Variants in LPIN1 observed in about 807,000 individuals in gnomAD.
LPIN1 encodes phosphatidate phosphatase LPIN1.
LPIN1 carries 71 observed loss-of-function variants against 107.5 expected under a neutral mutation model. That is an observed-to-expected ratio of 0.66 (90% CI 0.55 to 0.80). The LOEUF (loss-of-function observed/expected upper bound fraction) is 0.80. Ranked by LOEUF, LPIN1 falls within the 30% of genes least tolerant of loss-of-function variation. The pLI is 0.00. For missense variants in LPIN1, 1,043 were observed against 1,160.6 expected (o/e 0.90, Z 1.47); for synonymous variants, 445 against 452.6 (o/e 0.98, Z 0.21).
intron 1 of LPIN1, among the ~76,000 whole-genome samples, chr2:11,754,447 C>T (rs1668354344): frequency 6.6e-6 from 1 of 152,204 alleles, no homozygotes; most frequent in African/African-American, 2.4e-5. Flanking sequence ...ACAGACTGAA[C>T]CCAGGAGGGT....
At position 11,820,395 on chromosome 2, in the gene LPIN1, C is replaced by T; in HGVS notation, c.2518-16C>T. The T allele has an allele frequency of 1.3e-6, 2 of 1,508,546 alleles. No individual in the cohort carries two copies. The highest frequency in any genetic ancestry group is 1.8e-6 in the Non-Finnish European group (2 of 1,083,896). 93.4% of individuals were successfully genotyped at this position (1,508,546 alleles called of 1,614,324 possible). A position where few individuals can be genotyped will look rare whatever the true frequency, so the allele number is the denominator to read the frequency against. On this transcript the variant is annotated splice_polypyrimidine_tract_variant and intron_variant, in intron 19 of 20. Coordinates refer to ENST00000674199, the MANE Select transcript of LPIN1 (RefSeq NM_001349206.2). The stretch of plus-strand genomic sequence containing the variant: ...CTTTTCTAATGAACACTTTAAATCA[C>T]CTTTACCAAATATAGGATGTGTATT...
intron 3 of LPIN1, among the ~76,000 whole-genome samples, chr2:11,768,275 T>C (rs564421184): frequency 6.6e-6 from 1 of 152,310 alleles, no homozygotes; most frequent in African/African-American, 2.4e-5. Context: ...ATTTACCCAT[T>C]TCAAGTGTAC....
intron 1 of LPIN1, among the ~76,000 whole-genome samples, chr2:11,735,209 T>G (rs1004145477): frequency 5.9e-5 from 9 of 151,934 alleles, no homozygotes; most frequent in African/African-American, 2.2e-4. Context: ...GGAGAATTGC[T>G]TGAGCCTGGG....
chr2:11,708,714 C>T (rs553619730), intron 1 of LPIN1, among the ~76,000 whole-genome samples: 1 of 152,210 alleles, frequency 6.6e-6, no homozygotes, highest in African/African-American at 2.4e-5. Context: ...CGTAAGAAAG[C>T]TGACCCAAAG....
chr2:11,770,263 C>A (rs999903924), intron 3 of LPIN1, among the ~76,000 whole-genome samples: 2 of 152,144 alleles, frequency 1.3e-5, no homozygotes, highest in Admixed American at 1.3e-4. Context: ...GACAGGGTGC[C>A]TGTGGGTGGG....
chr2:11,748,371 A>C (rs1017323990), intron 1 of LPIN1, among the ~76,000 whole-genome samples: 1 of 152,238 alleles, frequency 6.6e-6, no homozygotes, highest in Non-Finnish European at 1.5e-5. Flanking sequence ...TGGGCTTTGC[A>C]GTTGTTGTTC....
chr2:11,759,128 C>T (rs1558819600), intron 1 of LPIN1, among the ~76,000 whole-genome samples: 2 of 135,814 alleles, frequency 1.5e-5, no homozygotes, highest in African/African-American at 5.4e-5. Flanking sequence ...AGCTTGCTTT[C>T]TTTCTTTTCT....
In LPIN1 at chr2:11,784,461, T is replaced by C. The variant is rs1032835441; in HGVS notation, c.1359-425T>C. 48 of 1,093,186 alleles carry C rather than the reference T, an allele frequency of 4.4e-5. No individual in the cohort carries two copies. The African/African-American group carries it at 7.2e-4, about 16-fold the overall frequency. The allele number at this position is 1,093,186 out of a possible 1,614,324, so 67.7% of individuals were successfully genotyped here. On this transcript the variant is annotated intron_variant, in intron 9 of 20. Transcript: ENST00000674199. ...ACCGGGCTGCCCTCCCTGCAAAGCC[T>C]GAGGTCATGTTGTCCACAGTGGTCG... is the stretch of plus-strand genomic sequence containing the variant.
Position 11,787,768 on chromosome 2 carries a change from C to T in LPIN1, c.1643+601C>T, listed in dbSNP as rs774209549. On this transcript the variant is annotated intron_variant, in intron 11 of 20. Transcript: ENST00000674199. Reference sequence around the variant, plus strand: ...CATCCTGGCTAACACGGTGAAACCCCGTCTCTACTAAAGATACAAAAAATT... The same window carrying T: ...CATCCTGGCTAACACGGTGAAACCCTGTCTCTACTAAAGATACAAAAAATT... 7.7e-4 allele frequency among the ~76,000 whole-genome samples: 117 copies of T among 152,048 alleles called. 1 individual carries two copies. Among genetic ancestry groups the T allele is most frequent in the East Asian group, 1.5e-3 (8 of 5,166 alleles).
chr2:11,721,856 A>G, upstream of LPIN1: 1 of 152,576 alleles, frequency 6.6e-6, no homozygotes, highest in East Asian at 1.9e-4. Context: ...TGGGGAGGGG[A>G]GAGGAGAGGA....
chr2:11,769,863 T>C (rs1671567251), intron 3 of LPIN1, among the ~76,000 whole-genome samples: 1 of 152,232 alleles, frequency 6.6e-6, no homozygotes, highest in South Asian at 2.1e-4. Flanking sequence ...GGAACGGTTC[T>C]TTATAGCTCC....
intron 17 of LPIN1, among the ~76,000 whole-genome samples, chr2:11,806,292 T>C (rs760553732): frequency 1.3e-5 from 2 of 152,220 alleles, no homozygotes; most frequent in African/African-American, 4.8e-5. Flanking sequence ...CATCCGTTCA[T>C]CCATCCAGCA....
chr2:11,773,859 G>GA, intron 5 of LPIN1, 114 bp downstream of exon 5: 1 of 1,224,486 alleles, frequency 8.2e-7, no homozygotes, highest in Admixed American at 1.8e-5. Context: ...TTAGGACCAG[G>GA]AAAAACACGG....
chr2:11,754,491 G>A (rs1417444883), intron 1 of LPIN1, among the ~76,000 whole-genome samples: 1 of 152,208 alleles, frequency 6.6e-6, no homozygotes, highest in Non-Finnish European at 1.5e-5. Flanking sequence ...AGGGTTGTAG[G>A]GAAGGTTTTG....
chr2:11,746,708 C>T, intron 1 of LPIN1, 37 bp downstream of exon 1: 1 of 961,870 alleles, frequency 1.0e-6, no homozygotes, highest in Non-Finnish European at 1.2e-6. Context: ...CGCTGTGGAG[C>T]AGGGGCCGCA....
rs576098192 is a variant in LPIN1 at position 11,827,347 on chromosome 2, G to A, written c.*2556G>A. ...AATCACTGTAATACTTCATTGTGTTGTACTGGATGCAAAGCTAGAAAATAT... is the reference window on the plus strand; with the variant it reads ...AATCACTGTAATACTTCATTGTGTTATACTGGATGCAAAGCTAGAAAATAT... On this transcript the variant is annotated 3_prime_UTR_variant, in exon 21 of 21. Transcript: ENST00000674199. The surrounding 1 kb of genome is among the most constrained non-coding windows in gnomAD (Gnocchi z 4.1). 3.9e-5 allele frequency: 6 copies of A among 152,296 alleles called. No homozygotes were observed. Among genetic ancestry groups the A allele is most frequent in the Non-Finnish European group, 7.4e-5 (5 of 68,024 alleles). 9.4% of individuals were successfully genotyped at this position (152,296 alleles called of 1,614,324 possible). A position where few individuals can be genotyped will look rare whatever the true frequency, so the allele number is the denominator to read the frequency against.
Position 11,795,392 on chromosome 2 carries a change from T to G in LPIN1, c.1807-16T>G. 1 of 1,611,292 alleles carries G rather than the reference T, an allele frequency of 6.2e-7. No individual in the cohort carries two copies. ...TCTGTGGTACTTCTGTGACTCTTTC[T>G]TTTCTTCTTTTCTAGGAAAGTAAGC... is the stretch of plus-strand genomic sequence containing the variant. On this transcript the variant is annotated splice_polypyrimidine_tract_variant and intron_variant, in intron 13 of 20. Transcript: ENST00000674199.
At chr2:11,805,466 G>C in intron 17 of LPIN1, 1 of 491,860 alleles carries the variant, frequency 2.0e-6, no homozygotes, top group Non-Finnish European at 3.7e-6. Context: ...GGATGGCAGA[G>C]GTAGCCAGTT....
chr2:11,733,189 T>C (rs1002940999), intron 1 of LPIN1, among the ~76,000 whole-genome samples: 7 of 152,282 alleles, frequency 4.6e-5, no homozygotes, highest in African/African-American at 1.7e-4. Flanking sequence ...TTCTACTCCC[T>C]TCCCCCTGCA....
Sources: gnomAD v4.1 joint callset for allele counts (sites outside exome capture counted in the v4.1 genomes callset) on GRCh38, gnomAD v4.1.1 for gene constraint, Gnocchi (gnomAD v3.1) non-coding constraint, MANE v1.5 for transcripts, NCBI Gene and HGNC (gene_info 2026-07-23, HGNC 2026-07-21) for gene names.